Variants in CADM2 observed in about 807,000 individuals in gnomAD.
CADM2 encodes the protein immunoglobulin superfamily member 4D.
In CADM2, 12 loss-of-function variants were observed where a neutral mutation model predicts 49.8. That is an observed-to-expected ratio of 0.24 (90% CI 0.15 to 0.39). The LOEUF is 0.39. Among genes scored for constraint, CADM2 ranks in the 10% least tolerant of loss-of-function variants. The probability of loss-of-function intolerance (pLI) is 1.00; values close to 1 mark genes in which losing one functional copy is unlikely to be tolerated. For synonymous variants in CADM2, 214 were observed against 175.4 expected (o/e 1.22, Z -1.74); for missense variants, 378 against 492.3 (o/e 0.77, Z 2.20).
At chr3:85,044,780 C>A (rs1367854371) in intron 1 of CADM2, among the ~76,000 whole-genome samples, 1 of 143,806 alleles carries the variant, frequency 7.0e-6, no homozygotes, top group Non-Finnish European at 1.5e-5. Flanking sequence ...GTGTCTTTTT[C>A]TTTCTTTCTT....
At chr3:85,896,088 G>A (rs934679512) in intron 5 of CADM2, among the ~76,000 whole-genome samples, 6 of 152,146 alleles carry the variant, frequency 3.9e-5, no homozygotes, top group Non-Finnish European at 7.4e-5. Context: ...CCCAAGACTT[G>A]GACATCAGCC....
chr3:85,945,454 A>G (rs1722548695), intron 7 of CADM2, among the ~76,000 whole-genome samples: 1 of 152,104 alleles, frequency 6.6e-6, no homozygotes, highest in Non-Finnish European at 1.5e-5. Context: ...CTGATACCAA[A>G]GCCGGGCAGA....
intron 1 of CADM2, among the ~76,000 whole-genome samples, chr3:85,156,217 A>G (rs998799092): frequency 1.3e-5 from 2 of 152,104 alleles, no homozygotes; most frequent in Non-Finnish European, 2.9e-5. Context: ...CAAAATTGAT[A>G]GACCACTAGC....
At position 86,033,748 on chromosome 3, in the gene CADM2, A is replaced by C. The variant is rs866514230; in HGVS notation, c.971-31857A>C. Among the ~76,000 whole-genome samples, 361 of 146,134 alleles carry C rather than the reference A, an allele frequency of 2.5e-3. 1 individual carries two copies. Among genetic ancestry groups the C allele is most frequent in the African/African-American group, 8.6e-3 (349 of 40,460 alleles). ...ACTTGAAGTGGATCAGAAGCCCATAAAGAAATATATATATATACACATTAA... is the reference window on the plus strand; with the variant it reads ...ACTTGAAGTGGATCAGAAGCCCATACAGAAATATATATATATACACATTAA... On this transcript the variant is annotated intron_variant, in intron 8 of 9. Transcript: ENST00000383699.
At chr3:85,394,836 T>A (rs1052623599) in intron 1 of CADM2, among the ~76,000 whole-genome samples, 1 of 152,178 alleles carries the variant, frequency 6.6e-6, no homozygotes, top group Admixed American at 6.5e-5. Context: ...GTTTCTGCTT[T>A]AAAGATGCTT....
Position 85,922,334 on chromosome 3 carries a change from T to C in CADM2, c.700+9791T>C, listed in dbSNP as rs529135896. Among the ~76,000 whole-genome samples, 136 of 152,248 alleles carry C rather than the reference T, an allele frequency of 8.9e-4. 1 individual carries two copies. The highest frequency in any genetic ancestry group is 3.1e-3 in the African/African-American group (129 of 41,560). ...TGATTAATCAGTATATTAAACTTTA[T>C]TAATCCTCAATGTATCAGGAAACAA... On this transcript the variant is annotated intron_variant, in intron 6 of 9. Coordinates refer to ENST00000383699, the MANE Select transcript of CADM2 (RefSeq NM_001167675.2).
chr3:85,260,036 G>A (rs1443358962), intron 1 of CADM2, among the ~76,000 whole-genome samples: 1 of 151,910 alleles, frequency 6.6e-6, no homozygotes, highest in Non-Finnish European at 1.5e-5. Context: ...CTCTTCAAGA[G>A]TCCTGTTTGC....
intron 1 of CADM2, among the ~76,000 whole-genome samples, chr3:85,251,558 T>C (rs975179707): frequency 6.6e-5 from 10 of 151,990 alleles, no homozygotes; most frequent in South Asian, 2.1e-4. Context: ...ACAAAATTAA[T>C]TGAAAAAAAT....
chr3:85,348,659 T>C (rs1440586124), intron 1 of CADM2, among the ~76,000 whole-genome samples: 1 of 152,210 alleles, frequency 6.6e-6, no homozygotes, highest in African/African-American at 2.4e-5. Context: ...TATCATCTAA[T>C]TTGTATGACA....
At chr3:85,272,465 T>G (rs1187706089) in intron 1 of CADM2, among the ~76,000 whole-genome samples, 2 of 151,340 alleles carry the variant, frequency 1.3e-5, no homozygotes, top group African/African-American at 4.8e-5. Context: ...AAAAGGCACC[T>G]GTTTATACAG....
intron 8 of CADM2, among the ~76,000 whole-genome samples, chr3:86,059,002 G>C (rs1738312071): frequency 6.6e-6 from 1 of 151,134 alleles, no homozygotes; most frequent in Non-Finnish European, 1.5e-5. Context: ...GCTGAGGCAG[G>C]AGAATAGCTT....
At position 85,413,138 on chromosome 3, in the gene CADM2, C is replaced by CAAAAAAAA. The variant is rs397973777; in HGVS notation, c.62-313366_62-313359dup. Among the ~76,000 whole-genome samples the CAAAAAAAA allele has an allele frequency of 1.3e-3, 23 of 17,094 alleles. 1 individual carries two copies. The highest frequency in any genetic ancestry group is 3.1e-3 in the African/African-American group (19 of 6,042). 11.2% of individuals were successfully genotyped at this position (17,094 alleles called of 152,430 possible). A position where few individuals can be genotyped will look rare whatever the true frequency, so the allele number is the denominator to read the frequency against. ...CCTGGGCGACAGCAAGACTCCGTCT[C>CAAAAAAAA]AAAAAAAAAAAAAAAAAAAAAAAAA... On this transcript the variant is annotated intron_variant, in intron 1 of 9. Coordinates refer to ENST00000383699, the MANE Select transcript of CADM2 (RefSeq NM_001167675.2).
At chr3:85,892,985 C>T (rs926563895) in intron 5 of CADM2, among the ~76,000 whole-genome samples, 1 of 152,150 alleles carries the variant, frequency 6.6e-6, no homozygotes, top group Non-Finnish European at 1.5e-5. Context: ...CAACAAAGTT[C>T]AGCCTCAGGT....
At chr3:85,372,230 T>C (rs1045250722) in intron 1 of CADM2, among the ~76,000 whole-genome samples, 7 of 151,724 alleles carry the variant, frequency 4.6e-5, no homozygotes, top group African/African-American at 1.7e-4. Context: ...ATACACCTCA[T>C]GAATGGAAAG....
chr3:85,705,103 T>A (rs2107720544), intron 1 of CADM2, among the ~76,000 whole-genome samples: 1 of 150,990 alleles, frequency 6.6e-6, no homozygotes, highest in Non-Finnish European at 1.5e-5. Flanking sequence ...CCTGACCTTG[T>A]GATCCACCCG....
At chr3:85,135,133 A>G (rs555184346) in intron 1 of CADM2, among the ~76,000 whole-genome samples, 19 of 152,136 alleles carry the variant, frequency 1.2e-4, no homozygotes, top group African/African-American at 4.1e-4. Context: ...AGAGATTATA[A>G]TATATTAGTT....
intron 8 of CADM2, among the ~76,000 whole-genome samples, chr3:85,991,453 C>T (rs1347499651): frequency 6.6e-6 from 1 of 152,076 alleles, no homozygotes; most frequent in East Asian, 1.9e-4. Context: ...TTAATGAGAT[C>T]AGTTATCAAA....
At chr3:85,004,768 G>A (rs192360895) in intron 1 of CADM2, among the ~76,000 whole-genome samples, 5 of 152,260 alleles carry the variant, frequency 3.3e-5, no homozygotes, top group Admixed American at 1.3e-4. Flanking sequence ...TTTAAGCCAT[G>A]TTAAGTAGTT....
intron 3 of CADM2, among the ~76,000 whole-genome samples, chr3:85,831,560 A>G (rs943333455): frequency 3.3e-5 from 5 of 152,010 alleles, no homozygotes; most frequent in Non-Finnish European, 1.5e-5. Flanking sequence ...TGTGGCTTTG[A>G]TGTGCATTTA....
Sources: allele counts gnomAD v4.1 joint callset (sites outside exome capture counted in the v4.1 genomes callset), GRCh38; gene constraint gnomAD v4.1.1; transcripts MANE v1.5; gene names NCBI Gene and HGNC (gene_info 2026-07-23, HGNC 2026-07-21).